The following RBAK variants were observed in gnomAD, a reference collection of about 807,000 sequenced individuals.
RBAK encodes the protein RB associated KRAB zinc finger, also known as RB-associated KRAB zinc finger protein.
Under a neutral mutation model 65.8 loss-of-function variants are expected in RBAK, and 39 were observed. The observed-to-expected ratio is 0.59, with a 90% CI of 0.46 to 0.77. The LOEUF (loss-of-function observed/expected upper bound fraction) is 0.77, where lower values mean the gene tolerates loss of function less well. RBAK is among the 30% of genes least tolerant of loss of function. RBAK has a pLI of 0.00. For missense variants in RBAK, 884 were observed against 855.1 expected, an observed-to-expected ratio of 1.03 and a Z score of -0.42; for synonymous variants, 343 against 289.7, an observed-to-expected ratio of 1.18 and a Z score of -1.87.
In RBAK at chr7:5,068,933, G is replaced by A. The variant is rs1245018649; in HGVS notation, c.*3332G>A. 1 of 152,178 alleles carries A rather than the reference G, an allele frequency of 6.6e-6. No individual in the cohort carries two copies. The highest frequency in any genetic ancestry group is 1.5e-5 in the Non-Finnish European group (1 of 68,022). The allele number at this position is 152,178 out of a possible 1,614,324, so 9.4% of individuals were successfully genotyped here. A position where few individuals can be genotyped will look rare whatever the true frequency, so the allele number is the denominator to read the frequency against. On this transcript the variant is annotated 3_prime_UTR_variant, in exon 5 of 5. Transcript: ENST00000396912. The stretch of plus-strand genomic sequence containing the variant: ...CTCCAGACACAAAAGCCAACATGCT[G>A]TATGATTCCTTCTATATAAATTATA...
Position 5,066,991 on chromosome 7 carries a change from T to C in RBAK, c.*1390T>C, listed in dbSNP as rs780895736. ...AAGTAATCTGGCATGCAGAACATTC[T>C]TGTGGTACAATTAATGTTCGTTTAT... On this transcript the variant is annotated 3_prime_UTR_variant, in exon 5 of 5. Transcript: ENST00000396912. The C allele has an allele frequency of 6.6e-6, 1 of 152,188 alleles. No individual in the cohort carries two copies. The highest frequency in any genetic ancestry group is 1.5e-5 in the Non-Finnish European group (1 of 68,002). The allele number at this position is 152,188 out of a possible 1,614,324, so 9.4% of individuals were successfully genotyped here.
At chr7:5,046,672 C>T (rs189607981) in intron 1 of RBAK, among the ~76,000 whole-genome samples, 1 of 152,296 alleles carries the variant, frequency 6.6e-6, no homozygotes, top group Non-Finnish European at 1.5e-5. Context: ...TCCTCCTTTC[C>T]GTGCTCCAGA....
At chr7:5,052,731 AAC>A (rs1788143478) in intron 2 of RBAK, among the ~76,000 whole-genome samples, 1 of 149,732 alleles carries the variant, frequency 6.7e-6, no homozygotes, top group Non-Finnish European at 1.5e-5. Flanking sequence ...TTGTTAATTA[AAC>A]AGTTATCTTT....
intron 4 of RBAK, among the ~76,000 whole-genome samples, chr7:5,060,107 C>CAT (rs1779034094): frequency 6.6e-6 from 1 of 152,116 alleles, no homozygotes; most frequent in African/African-American, 2.4e-5. Context: ...GAGGTAGGTG[C>CAT]ATATATTTGT....
In RBAK at chr7:5,054,418, A is replaced by C. The variant is rs561430628; in HGVS notation, c.16-2877A>C. Among the ~76,000 whole-genome samples, 10 of 151,818 alleles carry C rather than the reference A, an allele frequency of 6.6e-5. No homozygotes were observed. The South Asian group carries it at 1.2e-3, about 19-fold the overall frequency. On this transcript the variant is annotated intron_variant, in intron 2 of 4. Coordinates refer to ENST00000396912, the MANE Select transcript of RBAK (RefSeq NM_021163.4). ...GAGACTTTGCCTCAAAAAAAAAAAA[A>C]AAAACCATTGCTTCATATATGTTCT... is the stretch of plus-strand genomic sequence containing the variant.
Position 5,066,212 on chromosome 7 carries a change from A to G in RBAK, c.*611A>G, listed in dbSNP as rs1422622562. On this transcript the variant is annotated 3_prime_UTR_variant, in exon 5 of 5. Transcript: ENST00000396912. ...TTCTTATTTGAGTATTAGGATGGCA[A>G]AATGTATTAAGACAGGACATATTGT... 1.3e-5 allele frequency: 2 copies of G among 152,596 alleles called. No homozygotes were observed. Among genetic ancestry groups the G allele is most frequent in the Non-Finnish European group, 2.9e-5 (2 of 68,014 alleles). The allele number at this position is 152,596 out of a possible 1,614,324, so 9.5% of individuals were successfully genotyped here.
rs1392581447 is a variant in RBAK at position 5,067,249 on chromosome 7, A to AT, written c.*1648_*1649insT. The AT allele has an allele frequency of 3.9e-5, 6 of 152,182 alleles. No individual in the cohort carries two copies. The highest frequency in any genetic ancestry group is 3.9e-4 in the Admixed American group (6 of 15,270). The allele number at this position is 152,182 out of a possible 1,614,324, so 9.4% of individuals were successfully genotyped here. Reference sequence around the variant, plus strand: ...GCATAGAGATTAGAAAAGAAGTAAAACTTTAAAAACGAAAAAGAATATAAA... The same window carrying AT: ...GCATAGAGATTAGAAAAGAAGTAAAATCTTTAAAAACGAAAAAGAATATAAA... On this transcript the variant is annotated 3_prime_UTR_variant, in exon 5 of 5. Coordinates refer to ENST00000396912, the MANE Select transcript of RBAK (RefSeq NM_021163.4).
At chr7:5,049,547 A>G (rs1335376969) in intron 2 of RBAK, among the ~76,000 whole-genome samples, 1 of 152,150 alleles carries the variant, frequency 6.6e-6, no homozygotes. Flanking sequence ...TCAAATCCAG[A>G]GGGGATTTCC....
rs1295458239 is a variant in RBAK, at chr7:5,068,671, T to C, written c.*3070T>C. The C allele has an allele frequency of 6.6e-6, 1 of 152,208 alleles. No homozygotes were observed. The highest frequency in any genetic ancestry group is 1.5e-5 in the Non-Finnish European group (1 of 68,042). The allele number at this position is 152,208 out of a possible 1,614,324, so 9.4% of individuals were successfully genotyped here. ...AAGCTGGCACTAAAAGCCAAGCATA[T>C]GTATACTGTTTTACCCAAACCCAGC... On this transcript the variant is annotated 3_prime_UTR_variant, in exon 5 of 5. Transcript: ENST00000396912.
intron 2 of RBAK, among the ~76,000 whole-genome samples, chr7:5,054,302 G>T (rs1222917071): frequency 6.6e-6 from 1 of 151,586 alleles, no homozygotes; most frequent in East Asian, 1.9e-4. Context: ...CTACTTGGGA[G>T]ACTGAGGCAG....
rs1788033294 is a variant in RBAK, at chr7:5,048,055, A to G, written c.-22A>G. The G allele has an allele frequency of 1.3e-6, 2 of 1,593,174 alleles. No individual in the cohort carries two copies. Among genetic ancestry groups the G allele is most frequent in the Non-Finnish European group, 1.7e-6 (2 of 1,169,522 alleles). The stretch of plus-strand genomic sequence containing the variant: ...TAGGTCTACCAGCCACAGTCTCTGC[A>G]CGTTTCCAAGAGCAGCAGAAAATGA... On this transcript the variant is annotated 5_prime_UTR_variant, in exon 2 of 5. Coordinates refer to ENST00000396912, the MANE Select transcript of RBAK (RefSeq NM_021163.4). The surrounding 1 kb of genome is among the most constrained non-coding windows in gnomAD (Gnocchi z 4.4).
Position 5,046,360 on chromosome 7 carries a change from G to C in RBAK, c.-81G>C, listed in dbSNP as rs1282538342. ...GACAGCAGCCCCGCCCCGGCCTCTC[G>C]GGAGCCGTGGGGCAGAGGCTGCGGA... On this transcript the variant is annotated 5_prime_UTR_variant, in exon 1 of 5. Transcript: ENST00000396912. The C allele has an allele frequency of 7.8e-6, 4 of 515,898 alleles. No homozygotes were observed. Among genetic ancestry groups the C allele is most frequent in the Non-Finnish European group, 1.5e-5 (4 of 259,330 alleles). 32.0% of individuals were successfully genotyped at this position (515,898 alleles called of 1,614,324 possible). A position where few individuals can be genotyped will look rare whatever the true frequency, so the allele number is the denominator to read the frequency against.
At chr7:5,057,535 A>C in intron 3 of RBAK, 114 bp downstream of exon 3, 2 of 1,598,574 alleles carry the variant, frequency 1.3e-6, no homozygotes, top group Admixed American at 1.7e-5. Flanking sequence ...TGGAGTGTTT[A>C]TATTATTATT....
intron 2 of RBAK, among the ~76,000 whole-genome samples, chr7:5,051,310 AT>A (rs1788111718): frequency 6.6e-6 from 1 of 152,076 alleles, no homozygotes; most frequent in Admixed American, 6.6e-5. Context: ...CACATTAATC[AT>A]TTATATGCAT....
rs2115024149 is a variant in RBAK, at chr7:5,048,602, G to A, written c.15+511G>A. On this transcript the variant is annotated intron_variant, in intron 2 of 4. Transcript: ENST00000396912. The surrounding 1 kb of genome is among the most constrained non-coding windows in gnomAD (Gnocchi z 4.4). ...GTGGATAGTAGATTTTAAGGCTGTT[G>A]AAATTGAGCCGCACCCAGGACTGAT... Among the ~76,000 whole-genome samples, 1 of 152,342 alleles carries A rather than the reference G, an allele frequency of 6.6e-6. No individual in the cohort carries two copies. Among genetic ancestry groups the A allele is most frequent in the Admixed American group, 6.5e-5 (1 of 15,288 alleles).
chr7:5,048,179 T>TTG lies in RBAK; in HGVS notation c.15+89_15+90insGT. 4 of 1,573,346 alleles carry TTG rather than the reference T, an allele frequency of 2.5e-6. No homozygotes were observed. Among genetic ancestry groups the TTG allele is most frequent in the Admixed American group, 1.8e-5 (1 of 54,380 alleles). On this transcript the variant is annotated intron_variant, in intron 2 of 4. Transcript: ENST00000396912. The surrounding 1 kb of genome is among the most constrained non-coding windows in gnomAD (Gnocchi z 4.4). Reference sequence around the variant, plus strand: ...TGTAAGGATTCTTACCTTTTTTTTTTTCTTTTTTTTTGAGATGGAGTCTTG... The same window carrying TTG: ...TGTAAGGATTCTTACCTTTTTTTTTTTGTCTTTTTTTTTGAGATGGAGTCTTG...
chr7:5,054,336 C>T (rs1423940409), intron 2 of RBAK, among the ~76,000 whole-genome samples: 7 of 149,176 alleles, frequency 4.7e-5, no homozygotes, highest in Admixed American at 2.0e-4. Flanking sequence ...ACCCGGGAGA[C>T]GGAGGTTGCA....
chr7:5,068,054 A>T lies in RBAK; in HGVS notation c.*2453A>T, dbSNP rs1204814647. On this transcript the variant is annotated 3_prime_UTR_variant, in exon 5 of 5. Transcript: ENST00000396912. Reference sequence around the variant, plus strand: ...TTAAATTTGAGAACTTCTATTTATCAGAAAGACCACCAGTAAGAAAATGAA... The same window carrying T: ...TTAAATTTGAGAACTTCTATTTATCTGAAAGACCACCAGTAAGAAAATGAA... 6.6e-6 allele frequency: 1 copy of T among 152,216 alleles called. No individual in the cohort carries two copies. Among genetic ancestry groups the T allele is most frequent in the Non-Finnish European group, 1.5e-5 (1 of 68,028 alleles). 9.4% of individuals were successfully genotyped at this position (152,216 alleles called of 1,614,324 possible). A position where few individuals can be genotyped will look rare whatever the true frequency, so the allele number is the denominator to read the frequency against.
chr7:5,065,054 CA>C lies in RBAK; in HGVS notation c.1602del (p.Glu536ArgfsTer171). On this transcript the variant is annotated frameshift_variant, in exon 5 of 5. Coordinates refer to ENST00000396912, the MANE Select transcript of RBAK (RefSeq NM_021163.4). LOFTEE classifies it high-confidence loss of function. This position sits in a 1 kb window ranked among gnomAD's most constrained non-coding sequence, Gnocchi z 5.3. ...GCCTTCGATGGGCACCAGCCACTTC[CA>C]AAAGGGGAGAAATCCTATGAATGTA... is the stretch of plus-strand genomic sequence containing the variant. ...NSAFDGHQPL[P>X]KGEKSYECNV... is the part of the protein sequence containing the mutation. 1 of 1,613,040 alleles carries C rather than the reference CA, an allele frequency of 6.2e-7. No homozygotes were observed. Among genetic ancestry groups the C allele is most frequent in the Non-Finnish European group, 8.5e-7 (1 of 1,179,710 alleles).
Sources: allele counts gnomAD v4.1 joint callset (sites outside exome capture counted in the v4.1 genomes callset), GRCh38; gene constraint gnomAD v4.1.1; non-coding constraint Gnocchi (gnomAD v3.1); transcripts MANE v1.5; gene names NCBI Gene and HGNC (gene_info 2026-07-23, HGNC 2026-07-21).